TF: variants seen among roughly 807,000 people sequenced by gnomAD.
TF encodes transferrin.
In TF, 55 loss-of-function variants were observed where a neutral mutation model predicts 82.4. The observed-to-expected ratio is 0.67, with a 90% CI of 0.54 to 0.84. The LOEUF (loss-of-function observed/expected upper bound fraction) is 0.84, where lower values mean the gene tolerates loss of function less well. Among genes scored for constraint, TF ranks in the 40% least tolerant of loss-of-function variants. The pLI, the probability that TF is intolerant of heterozygous loss-of-function variation, is 0.00. For synonymous variants in TF, 332 were observed against 332.6 expected (o/e 1.00, Z 0.02); for missense variants, 737 against 868.4 (o/e 0.85, Z 1.90).
At chr3:133,742,373 G>C (rs1354003281), upstream of TF, among the ~76,000 whole-genome samples, 1 of 152,130 alleles carries the variant, frequency 6.6e-6, no homozygotes, top group East Asian at 1.9e-4. Context: ...CCTGTGAAAA[G>C]AATGGAAACC....
chr3:133,688,350 A>G, the TF span: 1 of 152,318 alleles, frequency 6.6e-6, no homozygotes, highest in Admixed American at 6.5e-5. Flanking sequence ...CCTTGAGTAC[A>G]TTAAAGCCAT....
At chr3:133,759,421 G>A (rs1933927923) in intron 9 of TF, 92 bp downstream of exon 9, 2 of 1,535,922 alleles carry the variant, frequency 1.3e-6, no homozygotes, top group South Asian at 2.2e-5. Flanking sequence ...TGGGAATGAT[G>A]CAAAAACCTG....
chr3:133,693,713 A>G, the TF span, among the ~76,000 whole-genome samples: 3 of 152,150 alleles, frequency 2.0e-5, no homozygotes, highest in East Asian at 1.9e-4. Context: ...GGCATATCCC[A>G]TGAACTACCA....
At chr3:133,708,069 CAG>C in the TF span, among the ~76,000 whole-genome samples, 1 of 152,024 alleles carries the variant, frequency 6.6e-6, no homozygotes, top group Admixed American at 6.6e-5. Context: ...TTATATTCAA[CAG>C]AAAAACTTAA....
chr3:133,780,451 AG>A lies in TF; in HGVS notation c.*1833del, dbSNP rs929561625. The A allele has an allele frequency of 3.9e-5, 6 of 152,234 alleles. No individual in the cohort carries two copies. The highest frequency in any genetic ancestry group is 1.4e-4 in the African/African-American group (6 of 41,462). 9.4% of individuals were successfully genotyped at this position (152,234 alleles called of 1,614,324 possible). A position where few individuals can be genotyped will look rare whatever the true frequency, so the allele number is the denominator to read the frequency against. On this transcript the variant is annotated 3_prime_UTR_variant, in exon 17 of 17. Transcript: ENST00000402696. ...TAATTATTAAATTAGTTACTAAAAT[AG>A]GATAGACAGATGTTATTTGGCCATA...
the TF span, among the ~76,000 whole-genome samples, chr3:133,726,459 T>G: frequency 6.6e-6 from 1 of 152,216 alleles, no homozygotes; most frequent in Non-Finnish European, 1.5e-5. Flanking sequence ...GTGTTTGTAG[T>G]ATTCTCTGAT....
intron 9 of TF, among the ~76,000 whole-genome samples, chr3:133,759,945 T>C (rs1258395943): frequency 6.6e-6 from 1 of 152,136 alleles, no homozygotes; most frequent in Non-Finnish European, 1.5e-5. Context: ...AATTCCCTTA[T>C]TGGGATCATT....
the TF span, among the ~76,000 whole-genome samples, chr3:133,698,500 GT>G: frequency 6.6e-6 from 1 of 152,218 alleles, no homozygotes; most frequent in Non-Finnish European, 1.5e-5. Flanking sequence ...AGGAGAATCT[GT>G]TCCAGGCCAC....
chr3:133,748,538 C>G lies in TF; in HGVS notation c.170C>G (p.Ala57Gly). Residue 57 changes from alanine to glycine, a missense_variant, in exon 2 of 17, where the codon GCT becomes GGT. Ala to Gly is a moderately conservative substitution (Grantham distance 60). Transcript: ENST00000402696. ...SVIPSDGPSV[A>G]CVKKASYLDC... ...ATTCCATCCGATGGTCCCAGTGTTG[C>G]TTGTGTGAAGAAAGCCTCCTACCTT... The G allele has an allele frequency of 6.2e-7, 1 of 1,614,098 alleles. No homozygotes were observed. The highest frequency in any genetic ancestry group is 8.5e-7 in the Non-Finnish European group (1 of 1,180,012).
Position 133,784,415 on chromosome 3 carries a change from GT to G in TF, c.*5796del, listed in dbSNP as rs1240558319. ...GAGCCGTTCTAGGTGTAAAGAGGTT[GT>G]GACTTATGATAGAGTTAGAAAATCA... On this transcript the variant is annotated 3_prime_UTR_variant, in exon 17 of 17. Transcript: ENST00000402696. 1 of 150,228 alleles carries G rather than the reference GT, an allele frequency of 6.7e-6. No homozygotes were observed. The highest frequency in any genetic ancestry group is 2.5e-5 in the African/African-American group (1 of 40,688). 9.3% of individuals were successfully genotyped at this position (150,228 alleles called of 1,614,324 possible). A position where few individuals can be genotyped will look rare whatever the true frequency, so the allele number is the denominator to read the frequency against.
intron 11 of TF, 23 bp downstream of exon 11, chr3:133,764,930 T>C: frequency 6.2e-7 from 1 of 1,612,668 alleles, no homozygotes; most frequent in Non-Finnish European, 8.5e-7. Context: ...TGGTAACCTC[T>C]GGAGTTAAAA....
chr3:133,713,472 C>T, the TF span, among the ~76,000 whole-genome samples: 723 of 152,232 alleles, frequency 4.7e-3, 10 homozygotes, highest in African/African-American at 0.017. Context: ...GTAAAGGGGC[C>T]GCGGTGAGAA....
At chr3:133,716,181 T>C in the TF span, among the ~76,000 whole-genome samples, 1 of 152,200 alleles carries the variant, frequency 6.6e-6, no homozygotes, top group Non-Finnish European at 1.5e-5. Flanking sequence ...CTGCCCATTC[T>C]CTTGGTGGGT....
chr3:133,725,049 G>T, the TF span, among the ~76,000 whole-genome samples: 1 of 152,162 alleles, frequency 6.6e-6, no homozygotes, highest in African/African-American at 2.4e-5. Flanking sequence ...TGCTGTTTTG[G>T]TTACTGTAGC....
At chr3:133,734,647 G>C in the TF span, among the ~76,000 whole-genome samples, 1 of 152,174 alleles carries the variant, frequency 6.6e-6, no homozygotes, top group African/African-American at 2.4e-5. Flanking sequence ...TAGAAGAAGT[G>C]ATATCTGAAA....
At chr3:133,726,148 A>G in the TF span, among the ~76,000 whole-genome samples, 29,544 of 151,928 alleles carry the variant, frequency 0.19, 2,990 homozygotes, top group East Asian at 0.29. Flanking sequence ...CCCGGCTTTG[A>G]TATCAGGATG....
In TF at chr3:133,771,177, A is replaced by G. The variant is rs141060632; in HGVS notation, c.1687+605A>G. On this transcript the variant is annotated intron_variant, in intron 14 of 16. Coordinates refer to ENST00000402696, the MANE Select transcript of TF (RefSeq NM_001063.4). ...ATAGATGCTGAGCCTAGAACAACAC[A>G]CTGAAGTGCTCAAACAGTGATGGGA... is the stretch of plus-strand genomic sequence containing the variant. Among the ~76,000 whole-genome samples, 532 of 152,332 alleles carry G rather than the reference A, an allele frequency of 3.5e-3. 5 individuals are homozygous for G. The highest frequency in any genetic ancestry group is 0.012 in the African/African-American group (481 of 41,566).
the TF span, among the ~76,000 whole-genome samples, chr3:133,695,952 C>T: frequency 7.2e-5 from 11 of 152,120 alleles, no homozygotes; most frequent in Admixed American, 6.6e-4. Flanking sequence ...CAGAACAGTG[C>T]GAAATTCTAT....
At chr3:133,729,639 G>A in the TF span, among the ~76,000 whole-genome samples, 260 of 152,228 alleles carry the variant, frequency 1.7e-3, no homozygotes, top group African/African-American at 5.8e-3. Flanking sequence ...GCCCTGTTTC[G>A]GCTCGTGCAC....
Sources: allele counts gnomAD v4.1 joint callset (sites outside exome capture counted in the v4.1 genomes callset), GRCh38; gene constraint gnomAD v4.1.1; transcripts MANE v1.5; gene names NCBI Gene and HGNC (gene_info 2026-07-23, HGNC 2026-07-21).